The following ARHGEF18 variants were observed in gnomAD, a reference collection of about 807,000 sequenced individuals.
ARHGEF18 encodes rho guanine nucleotide exchange factor 18.
Under a neutral mutation model 155.7 loss-of-function variants are expected in ARHGEF18, and 93 were observed. The ratio of observed to expected loss-of-function variants is 0.60; its 90% CI spans 0.50 to 0.71. The LOEUF is 0.71. ARHGEF18 is among the 30% of genes least tolerant of loss of function. The pLI, the probability that ARHGEF18 is intolerant of heterozygous loss-of-function variation, is 0.00. For missense variants in ARHGEF18, 1,593 were observed against 1,816.1 expected (o/e 0.88, Z 2.23); for synonymous variants, 742 against 753.1 (o/e 0.99, Z 0.24).
chr19:7,405,042 CTG>C (rs1236457297), intron 10 of ARHGEF18, among the ~76,000 whole-genome samples: 2 of 152,066 alleles, frequency 1.3e-5, no homozygotes, highest in African/African-American at 4.8e-5. Context: ...ACTGCAACCT[CTG>C]TGTACTGAGT....
chr19:7,452,052 A>T (rs1420547310), intron 16 of ARHGEF18, among the ~76,000 whole-genome samples: 1 of 152,174 alleles, frequency 6.6e-6, no homozygotes, highest in African/African-American at 2.4e-5. Context: ...GATACAAGAA[A>T]GATGGGGTGG....
chr19:7,350,375 C>T (rs1371381781), intron 1 of ARHGEF18, among the ~76,000 whole-genome samples: 1 of 152,178 alleles, frequency 6.6e-6, no homozygotes, highest in African/African-American at 2.4e-5. Context: ...GAGAAAAGAA[C>T]ATGACAACCA....
chr19:7,385,858 T>TCC (rs1970998168), intron 10 of ARHGEF18, among the ~76,000 whole-genome samples: 1 of 103,426 alleles, frequency 9.7e-6, no homozygotes, highest in African/African-American at 5.3e-5. Context: ...TCTCTCTCTC[T>TCC]CTCTCTCTCT....
chr19:7,407,983 A>AAAAAAAAAAAAAAAAAC lies in ARHGEF18; in HGVS notation c.967+24784_967+24785insAAAAAAAAAAAACAAAA, dbSNP rs1555711562. ...TCTCAAAAAAAAAAAAAAAAAAAAA[A>AAAAAAAAAAAAAAAAAC]AAAAGAGGTAGTAGGCTGGGTGCAG... On this transcript the variant is annotated intron_variant, in intron 10 of 28. Transcript: ENST00000668164. 7.8e-4 allele frequency among the ~76,000 whole-genome samples: 111 copies of AAAAAAAAAAAAAAAAAC among 141,952 alleles called. 10 individuals are homozygous for AAAAAAAAAAAAAAAAAC. Among genetic ancestry groups the AAAAAAAAAAAAAAAAAC allele is most frequent in the African/African-American group, 3.1e-3 (101 of 32,812 alleles). 93.1% of individuals were successfully genotyped at this position (141,952 alleles called of 152,430 possible). A position where few individuals can be genotyped will look rare whatever the true frequency, so the allele number is the denominator to read the frequency against.
intron 16 of ARHGEF18, 117 bp downstream of exon 16, chr19:7,451,383 G>A: frequency 2.6e-6 from 2 of 761,206 alleles, no homozygotes; most frequent in East Asian, 3.0e-5. Context: ...AATCCAGTTT[G>A]CTGGGTGCTG....
chr19:7,399,336 G>A (rs1486809518), intron 10 of ARHGEF18, among the ~76,000 whole-genome samples: 1 of 152,080 alleles, frequency 6.6e-6, no homozygotes, highest in African/African-American at 2.4e-5. Context: ...TTTTTGTGAT[G>A]CAAATTAAGT....
chr19:7,474,287 G>A (rs1461945004), downstream of ARHGEF18, among the ~76,000 whole-genome samples: 2 of 151,732 alleles, frequency 1.3e-5, no homozygotes, highest in Non-Finnish European at 1.5e-5. Flanking sequence ...GCAGTGAGCC[G>A]AGACTGCACG....
In ARHGEF18 at chr19:7,354,191, T is replaced by C. The variant is rs77463572; in HGVS notation, c.-111+4950T>C. On this transcript the variant is annotated intron_variant, in intron 1 of 28. Coordinates refer to ENST00000668164, the MANE Select transcript of ARHGEF18 (RefSeq NM_001367823.1). ...AAATAGCCAAGTGTGATAGCATGCA[T>C]GTACATTCCCAGCTACTCAGGAGTC... Among the ~76,000 whole-genome samples, 662 of 152,094 alleles carry C rather than the reference T, an allele frequency of 4.4e-3. 30 individuals carry two copies. In the East Asian group the frequency reaches 0.11, roughly 24 times the overall value.
the ARHGEF18 span, among the ~76,000 whole-genome samples, chr19:7,478,005 G>A: frequency 4.6e-5 from 7 of 152,258 alleles, no homozygotes; most frequent in Non-Finnish European, 1.0e-4. Context: ...CTGGGCAACA[G>A]AGCAAGACCC....
In ARHGEF18 at chr19:7,444,537, G is replaced by T. The variant is rs2145795266; in HGVS notation, c.1611+83G>T. 1 of 1,531,252 alleles carries T rather than the reference G, an allele frequency of 6.5e-7. No individual in the cohort carries two copies. Among genetic ancestry groups the T allele is most frequent in the East Asian group, 2.3e-5 (1 of 43,124 alleles). 94.9% of individuals were successfully genotyped at this position (1,531,252 alleles called of 1,614,324 possible). On this transcript the variant is annotated intron_variant, in intron 14 of 28. Coordinates refer to ENST00000668164, the MANE Select transcript of ARHGEF18 (RefSeq NM_001367823.1). The surrounding 1 kb of genome is among the most constrained non-coding windows in gnomAD (Gnocchi z 4.7). ...CTTTCTTCTTTTTTTCTGAGATAGG[G>T]TCTTGCCGTGTCGCCCAGGCTGGAG...
At chr19:7,455,414 T>C (rs1975767340) in intron 17 of ARHGEF18, among the ~76,000 whole-genome samples, 1 of 152,108 alleles carries the variant, frequency 6.6e-6, no homozygotes, top group Non-Finnish European at 1.5e-5. Flanking sequence ...TGGAAGCAGC[T>C]CCCCAAAAGT....
chr19:7,444,206 C>G lies in ARHGEF18; in HGVS notation c.1363C>G (p.Leu455Val), dbSNP rs376256047. The G allele has an allele frequency of 3.2e-5, 52 of 1,612,504 alleles. No homozygotes were observed. Among genetic ancestry groups the G allele is most frequent in the Non-Finnish European group, 3.9e-5 (46 of 1,179,496 alleles). The change falls in exon 14 of 29, where the codon CTG (leucine) becomes GTG (valine). Residue 455 changes from leucine to valine, a missense_variant and splice_region_variant. Leu to Val is a conservative substitution (Grantham distance 32). Transcript: ENST00000668164. This position sits in a 1 kb window ranked among gnomAD's most constrained non-coding sequence, Gnocchi z 4.7. ...TCCTGCCGTCTGTGTCCCTGCAGAG[C>G]TGATGCAGACAGAGGTGCACCACGT... ...VVKRQDVLYELMQTEVHHVRT... is the reference protein window; with the variant it reads ...VVKRQDVLYEVMQTEVHHVRT...
intron 10 of ARHGEF18, among the ~76,000 whole-genome samples, chr19:7,393,011 C>T (rs1454924069): frequency 1.6e-5 from 2 of 128,770 alleles, no homozygotes; most frequent in Admixed American, 2.0e-4. Flanking sequence ...TGTGCCACTG[C>T]ACTTCCAGCC....
intron 17 of ARHGEF18, 124 bp from the exon 18 acceptor site, chr19:7,456,203 C>T (rs1167892922): frequency 1.1e-6 from 1 of 873,916 alleles, no homozygotes; most frequent in African/African-American, 1.6e-5. Context: ...AAGGAAACTT[C>T]TAGGCCCAGG....
intron 15 of ARHGEF18, among the ~76,000 whole-genome samples, chr19:7,448,140 G>A (rs534849547): frequency 7.2e-5 from 11 of 152,288 alleles, no homozygotes; most frequent in South Asian, 4.1e-4. Context: ...ACAAAGGGTC[G>A]TTTGAAGGGG....
intron 14 of ARHGEF18, among the ~76,000 whole-genome samples, chr19:7,445,654 C>G (rs1415260199): frequency 1.3e-5 from 2 of 152,170 alleles, no homozygotes; most frequent in Non-Finnish European, 2.9e-5. Context: ...AAGTCTCACT[C>G]TGTCGCCCAG....
intron 10 of ARHGEF18, among the ~76,000 whole-genome samples, chr19:7,413,260 T>C (rs1426265677): frequency 6.6e-6 from 1 of 151,352 alleles, no homozygotes; most frequent in Non-Finnish European, 1.5e-5. Context: ...GGCAAGACCC[T>C]GTCTCTACCA....
Position 7,386,068 on chromosome 19 carries a change from G to A in ARHGEF18, c.967+2865G>A, listed in dbSNP as rs888217779. ...TCTCCTCCCCGCCACCCCCGGGGCT[G>A]GAGTGCAGTGGTGTGATCATAACTC... is the stretch of plus-strand genomic sequence containing the variant. On this transcript the variant is annotated intron_variant, in intron 10 of 28. Coordinates refer to ENST00000668164, the MANE Select transcript of ARHGEF18 (RefSeq NM_001367823.1). 6.2e-5 allele frequency among the ~76,000 whole-genome samples: 9 copies of A among 145,164 alleles called. No homozygotes were observed. The South Asian group carries it at 2.0e-3, about 32-fold the overall frequency.
intron 10 of ARHGEF18, among the ~76,000 whole-genome samples, chr19:7,429,030 G>A (rs775658929): frequency 3.3e-5 from 5 of 152,234 alleles, no homozygotes; most frequent in African/African-American, 4.8e-5. Context: ...CCACGGGCCC[G>A]AGGGCAGGGG....
Sources: allele counts gnomAD v4.1 joint callset (sites outside exome capture counted in the v4.1 genomes callset), GRCh38; gene constraint gnomAD v4.1.1; non-coding constraint Gnocchi (gnomAD v3.1); transcripts MANE v1.5; gene names NCBI Gene and HGNC (gene_info 2026-07-23, HGNC 2026-07-21).